Variants in TRANK1 observed in about 807,000 individuals in gnomAD.
The protein encoded by TRANK1 is tetratricopeptide repeat and ankyrin repeat containing 1, also known as TPR and ankyrin repeat-containing protein 1.
TRANK1 carries 198 observed loss-of-function variants against 266.0 expected under a neutral mutation model. That is an observed-to-expected ratio of 0.74 (90% CI 0.66 to 0.84). TRANK1 has a LOEUF of 0.84. TRANK1 is among the 40% of genes least tolerant of loss of function. The pLI, the probability that TRANK1 is intolerant of heterozygous loss-of-function variation, is 0.00. For synonymous variants in TRANK1, 1,396 were observed against 1,384.1 expected, an observed-to-expected ratio of 1.01 and a Z score of -0.19; for missense variants, 3,326 against 3,634.6, an observed-to-expected ratio of 0.92 and a Z score of 2.18.
At chr3:36,878,775 C>CAAAAAAAAAAAAAAA (rs202216198) in intron 8 of TRANK1, among the ~76,000 whole-genome samples, 1 of 121,750 alleles carries the variant, frequency 8.2e-6, no homozygotes. Context: ...AATGAAAGTT[C>CAAAAAAAAAAAAAAA]AAAAAAAAAA....
In TRANK1 at chr3:36,879,975, TAAACATGC is replaced by T. The variant is rs1397399997; in HGVS notation, c.908-5687_908-5680del. Among the ~76,000 whole-genome samples the T allele has an allele frequency of 6.8e-3, 84 of 12,384 alleles. 24 individuals are homozygous for T. Among genetic ancestry groups the T allele is most frequent in the Admixed American group, 0.012 (10 of 830 alleles). The allele number at this position is 12,384 out of a possible 152,430, so 8.1% of individuals were successfully genotyped here. On this transcript the variant is annotated intron_variant, in intron 8 of 23. Transcript: ENST00000645898. ...ATATATGTAAACATGCAAATATATGTAAACATGCAAATATATGTAAACATGCAAATATA... is the reference window on the plus strand; with the variant it reads ...ATATATGTAAACATGCAAATATATGTAAATATATGTAAACATGCAAATATA...
intron 1 of TRANK1, among the ~76,000 whole-genome samples, chr3:36,908,821 C>T (rs550534223): frequency 6.6e-6 from 1 of 152,332 alleles, no homozygotes; most frequent in South Asian, 2.1e-4. Flanking sequence ...CACAGGAAGG[C>T]ATTGTCCCCA....
chr3:36,919,095 G>A lies in TRANK1; in HGVS notation c.24-10641C>T, dbSNP rs138933181. Among the ~76,000 whole-genome samples the A allele has an allele frequency of 8.0e-3, 1,215 of 152,282 alleles. 10 individuals carry two copies. Among genetic ancestry groups the A allele is most frequent in the Middle Eastern group, 0.034 (10 of 294 alleles). On this transcript the variant is annotated intron_variant, in intron 1 of 23. Coordinates refer to ENST00000645898, the MANE Select transcript of TRANK1 (RefSeq NM_001329998.2). Reference sequence around the variant, plus strand: ...ATTACTGTGCAATATTAACAAAGACGTACAGTAGAGGTCTGTCATATCCCA... The same window carrying A: ...ATTACTGTGCAATATTAACAAAGACATACAGTAGAGGTCTGTCATATCCCA...
chr3:36,901,494 A>G (rs2125622055), intron 3 of TRANK1, among the ~76,000 whole-genome samples: 1 of 152,310 alleles, frequency 6.6e-6, no homozygotes, highest in East Asian at 1.9e-4. Flanking sequence ...ATTCTTTATT[A>G]AAAATATCAT....
At chr3:36,866,053 AAAGAAAGAAAGAAAG>A (rs1405968290) in intron 9 of TRANK1, among the ~76,000 whole-genome samples, 1 of 14,912 alleles carries the variant, frequency 6.7e-5, no homozygotes, top group Admixed American at 6.1e-4. Flanking sequence ...ACAGAAAGAA[AAAGAAAGAAAGAAAG>A]AAAGAAAGAA....
intron 1 of TRANK1, among the ~76,000 whole-genome samples, chr3:36,929,003 T>G (rs1310589269): frequency 6.6e-6 from 1 of 152,040 alleles, no homozygotes; most frequent in African/African-American, 2.4e-5. Context: ...AAAGATATTT[T>G]TAATAAAAAG....
At chr3:36,900,433 G>A (rs6550442) in intron 3 of TRANK1, among the ~76,000 whole-genome samples, 43,120 of 151,864 alleles carry the variant, frequency 0.28, 6,669 homozygotes, top group East Asian at 0.56. Context: ...TATAGAAAGA[G>A]GAAAATTACA....
In TRANK1 at chr3:36,832,007, G is replaced by A; in HGVS notation, c.7576C>T (p.Leu2526Phe). The change falls in exon 22 of 24, where the codon CTC becomes TTC. Residue 2526 changes from leucine to phenylalanine, a missense_variant. Transcript: ENST00000645898. ...CATAGCACCTTGGCGAGGTAGGAGA[G>A]ATGGAACCGGAAATCCTGAATGGCT... ...TRAIQDFRFH[L>F]SYLAKVLCGY... The A allele has an allele frequency of 6.2e-7, 1 of 1,614,038 alleles. No homozygotes were observed. Among genetic ancestry groups the A allele is most frequent in the South Asian group, 1.1e-5 (1 of 91,074 alleles).
chr3:36,883,153 A>C (rs2079554322), intron 8 of TRANK1, among the ~76,000 whole-genome samples: 1 of 152,184 alleles, frequency 6.6e-6, no homozygotes, highest in Non-Finnish European at 1.5e-5. Flanking sequence ...TCAGTGAAAA[A>C]AATCAGGCAA....
chr3:36,936,751 C>T (rs2080430809), intron 1 of TRANK1, among the ~76,000 whole-genome samples: 1 of 152,130 alleles, frequency 6.6e-6, no homozygotes, highest in Non-Finnish European at 1.5e-5. Context: ...CCTTGAAAGA[C>T]AGATGATGGT....
chr3:36,926,589 G>C (rs1312119192), intron 1 of TRANK1, among the ~76,000 whole-genome samples: 2 of 152,002 alleles, frequency 1.3e-5, no homozygotes, highest in Non-Finnish European at 2.9e-5. Flanking sequence ...AAGGGGTCTG[G>C]CCCTTTCCTA....
At chr3:36,885,922 T>C (rs987548220) in intron 8 of TRANK1, among the ~76,000 whole-genome samples, 1 of 152,076 alleles carries the variant, frequency 6.6e-6, no homozygotes, top group African/African-American at 2.4e-5. Flanking sequence ...TTTTTGTAAC[T>C]TTTCTATAAG....
intron 13 of TRANK1, among the ~76,000 whole-genome samples, chr3:36,853,688 A>C (rs1416379070): frequency 6.6e-6 from 1 of 152,248 alleles, no homozygotes; most frequent in African/African-American, 2.4e-5. Flanking sequence ...CAACCATAGA[A>C]AGGAATAAAG....
At chr3:36,902,346 A>G (rs2079895428) in intron 3 of TRANK1, among the ~76,000 whole-genome samples, 1 of 152,166 alleles carries the variant, frequency 6.6e-6, no homozygotes, top group Non-Finnish European at 1.5e-5. Flanking sequence ...CTCCCTTTCC[A>G]TTGTATTTTG....
At position 36,831,968 on chromosome 3, in the gene TRANK1, C is replaced by T. The variant is rs538317516; in HGVS notation, c.7615G>A (p.Val2539Met). The change falls in exon 22 of 24, where the codon GTG (valine) becomes ATG (methionine). Residue 2539 changes from valine to methionine, a missense_variant. Val to Met is a conservative substitution (Grantham distance 21). Transcript: ENST00000645898. The surrounding 1 kb of genome is among the most constrained non-coding windows in gnomAD (Gnocchi z 5.0). The part of the protein sequence containing the change: ...LAKVLCGYEN[V>M]NFNVLLDAFS... ...GCATCAAGCAGGACGTTGAAGTTCA[C>T]ATTCTCATAGCCACATAGCACCTTG... 1 of 1,614,034 alleles carries T rather than the reference C, an allele frequency of 6.2e-7. No individual in the cohort carries two copies. The highest frequency in any genetic ancestry group is 8.5e-7 in the Non-Finnish European group (1 of 1,179,912).
At chr3:36,925,631 C>CGG (rs2080277880) in intron 1 of TRANK1, among the ~76,000 whole-genome samples, 1 of 150,346 alleles carries the variant, frequency 6.7e-6, no homozygotes. Context: ...CGCTCTGTCA[C>CGG]CCAGGCTGGA....
At chr3:36,932,383 C>T (rs980725428) in intron 1 of TRANK1, among the ~76,000 whole-genome samples, 10 of 152,098 alleles carry the variant, frequency 6.6e-5, no homozygotes, top group Admixed American at 6.5e-4. Context: ...CCAGCCTGGC[C>T]AATGTGGTGA....
At chr3:36,933,269 C>T (rs775887887) in intron 1 of TRANK1, among the ~76,000 whole-genome samples, 14 of 152,216 alleles carry the variant, frequency 9.2e-5, no homozygotes, top group Non-Finnish European at 1.8e-4. Flanking sequence ...AGGGTACAGG[C>T]GCACTTGCTT....
Position 36,903,203 on chromosome 3 carries a change from A to G in TRANK1, c.228T>C (p.Asn76=). 1 of 1,537,340 alleles carries G rather than the reference A, an allele frequency of 6.5e-7. No homozygotes were observed. Among genetic ancestry groups the G allele is most frequent in the Non-Finnish European group, 8.7e-7 (1 of 1,146,940 alleles). The change falls in exon 3 of 24, where the codon AAT becomes AAC. Residue 76 remains asparagine, a synonymous_variant. Transcript: ENST00000645898. ...ATTCCTTGGCAGCAACAAATGCCTC[A>G]TTCCACTTCCCAAGGCTGAAAAATG... The part of the protein sequence containing the change: ...SNAFFSLGKW[N]EAFVAAKECL...
Sources: allele counts gnomAD v4.1 joint callset (sites outside exome capture counted in the v4.1 genomes callset), GRCh38; gene constraint gnomAD v4.1.1; non-coding constraint Gnocchi (gnomAD v3.1); transcripts MANE v1.5; gene names NCBI Gene and HGNC (gene_info 2026-07-23, HGNC 2026-07-21).